OTUD7A: variants seen among roughly 807,000 people sequenced by gnomAD.
The protein encoded by OTUD7A is OTU domain-containing protein 7A.
OTUD7A carries 12 observed loss-of-function variants against 65.7 expected under a neutral mutation model. That is an observed-to-expected ratio of 0.18 (90% CI 0.12 to 0.30). OTUD7A has a LOEUF of 0.30. Among genes scored for constraint, OTUD7A ranks in the 10% least tolerant of loss-of-function variants. OTUD7A has a pLI of 1.00. For synonymous variants in OTUD7A, 641 were observed against 586.3 expected (o/e 1.09, Z -1.35); for missense variants, 1,148 against 1,304.8 (o/e 0.88, Z 1.85).
intron 1 of OTUD7A, among the ~76,000 whole-genome samples, chr15:31,821,129 A>ATT (rs1555421527): frequency 5.7e-5 from 6 of 104,876 alleles, no homozygotes; most frequent in Admixed American, 9.5e-5. Context: ...TCAGTTTTTC[A>ATT]TTTCTTTTTT....
chr15:31,784,522 T>C (rs1895622081), intron 1 of OTUD7A, among the ~76,000 whole-genome samples: 1 of 152,232 alleles, frequency 6.6e-6, no homozygotes, highest in Non-Finnish European at 1.5e-5. Context: ...ATGTAACAGG[T>C]TTATAATTGT....
chr15:31,544,861 G>A (rs1888084711), intron 5 of OTUD7A, among the ~76,000 whole-genome samples: 1 of 151,570 alleles, frequency 6.6e-6, no homozygotes, highest in Admixed American at 6.6e-5. Context: ...TTTTTCAAGT[G>A]CACATAGAAT....
intron 1 of OTUD7A, among the ~76,000 whole-genome samples, chr15:31,748,289 C>G (rs187799771): frequency 2.0e-5 from 3 of 151,672 alleles, no homozygotes; most frequent in African/African-American, 7.2e-5. Context: ...ATGTCTCTAC[C>G]AGTCTCAAAT....
At chr15:31,833,896 C>T (rs1456928381) in intron 1 of OTUD7A, among the ~76,000 whole-genome samples, 1 of 152,160 alleles carries the variant, frequency 6.6e-6, no homozygotes, top group Admixed American at 6.5e-5. Flanking sequence ...AGAAGATGGC[C>T]CTGGAGGCCC....
intron 1 of OTUD7A, among the ~76,000 whole-genome samples, chr15:31,682,539 C>T (rs888944259): frequency 6.6e-6 from 1 of 152,162 alleles, no homozygotes; most frequent in African/African-American, 2.4e-5. Context: ...AGGATAGACA[C>T]GTTTACTACT....
intron 1 of OTUD7A, among the ~76,000 whole-genome samples, chr15:31,810,101 C>T (rs1343020082): frequency 6.6e-6 from 1 of 152,212 alleles, no homozygotes; most frequent in Admixed American, 6.5e-5. Flanking sequence ...GCAGATGGTG[C>T]AGTTCTTCAG....
At chr15:31,624,058 T>C (rs1890881094) in intron 3 of OTUD7A, among the ~76,000 whole-genome samples, 1 of 152,244 alleles carries the variant, frequency 6.6e-6, no homozygotes, top group South Asian at 2.1e-4. Flanking sequence ...TTGGCTTTGC[T>C]TTGTAGTAGG....
At position 31,565,895 on chromosome 15, in the gene OTUD7A, A is replaced by G. The variant is rs184385751; in HGVS notation, c.331+4123T>C. On this transcript the variant is annotated intron_variant, in intron 4 of 12. Transcript: ENST00000307050. ...TCAAAGAACAAAATTTAAATTAAAT[A>G]TAAGAATATATTTCAGGCCGGGCAC... Among the ~76,000 whole-genome samples the G allele has an allele frequency of 2.0e-4, 30 of 152,330 alleles. 1 individual carries two copies. Among genetic ancestry groups the G allele is most frequent in the Admixed American group, 1.8e-3 (28 of 15,308 alleles).
chr15:31,727,519 T>C (rs1174469240), intron 1 of OTUD7A, among the ~76,000 whole-genome samples: 9 of 152,348 alleles, frequency 5.9e-5, no homozygotes, highest in Non-Finnish European at 1.0e-4. Flanking sequence ...TGTTGAGCAT[T>C]TGGACTGTAT....
chr15:31,778,128 AAT>A (rs1198561073), intron 1 of OTUD7A, among the ~76,000 whole-genome samples: 2 of 152,158 alleles, frequency 1.3e-5, no homozygotes, highest in Non-Finnish European at 2.9e-5. Context: ...TGCAGAGAGT[AAT>A]TCTAAGGACA....
intron 1 of OTUD7A, among the ~76,000 whole-genome samples, chr15:31,703,233 T>C (rs1893254161): frequency 6.6e-6 from 1 of 152,156 alleles, no homozygotes; most frequent in Admixed American, 6.5e-5. Context: ...ACCAAAAGCA[T>C]GATCCATAAA....
chr15:31,820,363 GCACTT>G (rs1488812493), intron 1 of OTUD7A, among the ~76,000 whole-genome samples: 4 of 151,992 alleles, frequency 2.6e-5, no homozygotes, highest in Non-Finnish European at 5.9e-5. Flanking sequence ...TTTTATCCTG[GCACTT>G]CTCTTCAGGT....
intron 1 of OTUD7A, among the ~76,000 whole-genome samples, chr15:31,750,604 C>T (rs1403085378): frequency 1.3e-5 from 2 of 152,082 alleles, no homozygotes; most frequent in Non-Finnish European, 1.5e-5. Context: ...CAACTTCAAA[C>T]TATACTACAA....
chr15:31,523,146 T>C (rs559719153), intron 8 of OTUD7A, among the ~76,000 whole-genome samples: 53 of 152,366 alleles, frequency 3.5e-4, no homozygotes, highest in Admixed American at 2.0e-3. Flanking sequence ...CTGGTTACTT[T>C]CCTGTGCAGG....
chr15:31,767,999 G>C, intron 1 of OTUD7A: 2 of 1,591,284 alleles, frequency 1.3e-6, no homozygotes, highest in South Asian at 2.2e-5. Flanking sequence ...TTGTTGCCTT[G>C]TAACTTCAGG....
In OTUD7A at chr15:31,487,368, AG is replaced by A. The variant is rs2141065592; in HGVS notation, c.1286+83del. The A allele has an allele frequency of 6.3e-7, 1 of 1,576,166 alleles. No individual in the cohort carries two copies. The highest frequency in any genetic ancestry group is 1.1e-5 in the South Asian group (1 of 88,944). Reference sequence around the variant, plus strand: ...GCATGCCAGCTGTCCCAGGAGGAGCAGGGGTGGTACATTCCCTCCCCAGGAT... The same window carrying A: ...GCATGCCAGCTGTCCCAGGAGGAGCAGGGTGGTACATTCCCTCCCCAGGAT... On this transcript the variant is annotated intron_variant, in intron 11 of 12. Transcript: ENST00000307050. The surrounding 1 kb of genome is among the most constrained non-coding windows in gnomAD (Gnocchi z 6.0).
rs1206556359 is a variant in OTUD7A, at chr15:31,753,702, T to TAACCTGTGA, written c.-99-96626_-99-96625insTCACAGGTT. Among the ~76,000 whole-genome samples, 52 of 11,186 alleles carry TAACCTGTGA rather than the reference T, an allele frequency of 4.6e-3. 1 individual carries two copies. The highest frequency in any genetic ancestry group is 5.3e-3 in the African/African-American group (47 of 8,862). 7.3% of individuals were successfully genotyped at this position (11,186 alleles called of 152,430 possible). ...AACCTGTGAGATATATATATATATATTATATATATATATATATATTATATA... is the reference window on the plus strand; with the variant it reads ...AACCTGTGAGATATATATATATATATAACCTGTGATATATATATATATATATATTATATA... On this transcript the variant is annotated intron_variant, in intron 1 of 12. Transcript: ENST00000307050.
intron 5 of OTUD7A, among the ~76,000 whole-genome samples, chr15:31,546,638 T>C (rs1189798909): frequency 6.6e-6 from 1 of 152,222 alleles, no homozygotes; most frequent in Admixed American, 6.5e-5. Flanking sequence ...TCTAGAACTG[T>C]GAGAAAATAA....
intron 5 of OTUD7A, among the ~76,000 whole-genome samples, chr15:31,536,255 C>T (rs1334479335): frequency 1.3e-5 from 2 of 152,258 alleles, no homozygotes; most frequent in Non-Finnish European, 1.5e-5. Context: ...TAGCCTGGCT[C>T]ATTTACATGT....
Sources: allele counts gnomAD v4.1 joint callset (sites outside exome capture counted in the v4.1 genomes callset), GRCh38; gene constraint gnomAD v4.1.1; non-coding constraint Gnocchi (gnomAD v3.1); transcripts MANE v1.5; gene names NCBI Gene and HGNC (gene_info 2026-07-23, HGNC 2026-07-21).